The following PTPN13 variants were observed in gnomAD, a reference collection of about 807,000 sequenced individuals.
PTPN13 encodes protein tyrosine phosphatase non-receptor type 13.
A neutral mutation model predicts 284.0 loss-of-function variants in PTPN13; 191 were observed. That is an observed-to-expected ratio of 0.67 (90% CI 0.60 to 0.76). PTPN13 has a LOEUF of 0.76. PTPN13 is among the 30% of genes least tolerant of loss of function. The pLI is 0.00. For synonymous variants in PTPN13, 986 were observed against 1,022.3 expected (o/e 0.96, Z 0.68); for missense variants, 2,797 against 2,939.9 (o/e 0.95, Z 1.12).
chr4:86,727,268 A>G (rs910752658), intron 10 of PTPN13, among the ~76,000 whole-genome samples: 10 of 149,376 alleles, frequency 6.7e-5, no homozygotes, highest in African/African-American at 2.4e-4. Flanking sequence ...ATTGGTCTAA[A>G]ATTCTCTGTT....
At chr4:86,716,230 AC>A (rs1287897530) in intron 7 of PTPN13, among the ~76,000 whole-genome samples, 3 of 152,068 alleles carry the variant, frequency 2.0e-5, no homozygotes, top group African/African-American at 7.2e-5. Context: ...CTATTATTAT[AC>A]CCCCTCTTTG....
intron 40 of PTPN13, among the ~76,000 whole-genome samples, chr4:86,790,967 C>T (rs1198755716): frequency 1.3e-5 from 2 of 152,136 alleles, no homozygotes; most frequent in African/African-American, 4.8e-5. Flanking sequence ...AACTGAGGTG[C>T]CTGGTTCATC....
At position 86,803,819 on chromosome 4, in the gene PTPN13, G is replaced by T; in HGVS notation, c.6616G>T (p.Gly2206Cys). 2 of 1,613,746 alleles carry T rather than the reference G, an allele frequency of 1.2e-6. No individual in the cohort carries two copies. The highest frequency in any genetic ancestry group is 1.7e-6 in the Non-Finnish European group (2 of 1,179,768). Residue 2206 changes from glycine to cysteine, a missense_variant, in exon 43 of 48, where the codon GGT (glycine) becomes TGT (cysteine). Physicochemically the swap from Gly to Cys is radical, Grantham distance 159. Transcript: ENST00000411767. ...AAAATCAGTCATTCGAGTCCTGCGG[G>T]GTTTGCTAGATCAAGGAATTCCTTC... is the stretch of plus-strand genomic sequence containing the variant. ...NLKSVIRVLR[G>C]LLDQGIPSKE...
intron 47 of PTPN13, among the ~76,000 whole-genome samples, chr4:86,811,880 C>G (rs1745247856): frequency 6.6e-6 from 1 of 152,180 alleles, no homozygotes; most frequent in African/African-American, 2.4e-5. Flanking sequence ...TGTCTTCTAA[C>G]TATTAAGCTG....
intron 1 of PTPN13, among the ~76,000 whole-genome samples, chr4:86,604,853 A>G (rs1400316029): frequency 6.6e-6 from 1 of 152,036 alleles, no homozygotes; most frequent in African/African-American, 2.4e-5. Context: ...GTTGCTACCA[A>G]AAAACTTAAA....
intron 2 of PTPN13, among the ~76,000 whole-genome samples, chr4:86,661,919 C>A (rs755094893): frequency 3.3e-5 from 5 of 152,106 alleles, no homozygotes; most frequent in South Asian, 4.1e-4. Flanking sequence ...CCCCCAACCC[C>A]AAGATTTATG....
intron 2 of PTPN13, among the ~76,000 whole-genome samples, chr4:86,655,567 G>T (rs181637689): frequency 6.6e-6 from 1 of 152,118 alleles, no homozygotes. Flanking sequence ...TTGAATATTG[G>T]CCCCCACTCT....
At chr4:86,792,226 C>A (rs181020496) in intron 40 of PTPN13, among the ~76,000 whole-genome samples, 3 of 151,916 alleles carry the variant, frequency 2.0e-5, no homozygotes, top group Admixed American at 6.6e-5. Context: ...AAGCTTCAAT[C>A]GCCGATTCGA....
chr4:86,646,847 G>A (rs1724490269), intron 2 of PTPN13, among the ~76,000 whole-genome samples: 1 of 152,126 alleles, frequency 6.6e-6, no homozygotes, highest in African/African-American at 2.4e-5. Flanking sequence ...TAAACAAATT[G>A]TGATATATTC....
intron 6 of PTPN13, among the ~76,000 whole-genome samples, chr4:86,699,782 A>G (rs906952519): frequency 6.6e-6 from 1 of 152,078 alleles, no homozygotes; most frequent in African/African-American, 2.4e-5. Flanking sequence ...TGTTCTATCA[A>G]TTTTCAAGAA....
At chr4:86,806,273 A>G (rs1744653268) in intron 44 of PTPN13, among the ~76,000 whole-genome samples, 1 of 152,058 alleles carries the variant, frequency 6.6e-6, no homozygotes, top group African/African-American at 2.4e-5. Flanking sequence ...GTGCCAAAAT[A>G]CTGACCTCTA....
chr4:86,662,317 TTTTATTTCTTA>T lies in PTPN13; in HGVS notation c.116-10029_116-10019del, dbSNP rs1469899413. On this transcript the variant is annotated intron_variant, in intron 2 of 47. Transcript: ENST00000411767. ...GTCAAATAAGATATGATTGTTATAT[TTTTATTTCTTA>T]TTTATTTCTTATTTATTTATTTGAG... 3.9e-4 allele frequency among the ~76,000 whole-genome samples: 60 copies of T among 152,264 alleles called. 1 individual carries two copies. The East Asian group carries it at 5.4e-3, about 14-fold the overall frequency.
At chr4:86,785,996 C>A in intron 40 of PTPN13, 60 bp downstream of exon 40, 1 of 895,172 alleles carries the variant, frequency 1.1e-6, no homozygotes, top group Non-Finnish European at 1.6e-6. Context: ...TGGGTTTAAC[C>A]CAGAAGGTGA....
At chr4:86,702,263 C>G (rs1422170341) in intron 7 of PTPN13, among the ~76,000 whole-genome samples, 1 of 152,152 alleles carries the variant, frequency 6.6e-6, no homozygotes. Context: ...TCTCAAACCA[C>G]CAGCTTCAAA....
intron 18 of PTPN13, 48 bp downstream of exon 18, chr4:86,750,935 T>C: frequency 6.3e-7 from 1 of 1,579,032 alleles, no homozygotes; most frequent in Non-Finnish European, 8.6e-7. Flanking sequence ...AATTCTACAT[T>C]TCATACGTTT....
In PTPN13 at chr4:86,730,256, G is replaced by A. The variant is rs1254515028; in HGVS notation, c.1609-2144G>A. On this transcript the variant is annotated intron_variant, in intron 10 of 47. Transcript: ENST00000411767. ...GGTGTCTGTCAGCCTCTACTGGGAG[G>A]TGTCTCCCAGTTAGGCTACAGGGGT... Among the ~76,000 whole-genome samples, 3 of 149,680 alleles carry A rather than the reference G, an allele frequency of 2.0e-5. 1 individual carries two copies. Among genetic ancestry groups the A allele is most frequent in the African/African-American group, 2.4e-5 (1 of 41,056 alleles).
intron 2 of PTPN13, among the ~76,000 whole-genome samples, chr4:86,637,979 G>C (rs1723242353): frequency 6.6e-6 from 1 of 151,954 alleles, no homozygotes; most frequent in Admixed American, 6.6e-5. Flanking sequence ...AACTTCAGCA[G>C]TCTCAGGATA....
intron 40 of PTPN13, 103 bp from the exon 41 acceptor site, chr4:86,796,771 G>T: frequency 1.4e-6 from 1 of 727,998 alleles, no homozygotes; most frequent in South Asian, 1.9e-5. Flanking sequence ...ATATAAGGAT[G>T]AACAATAACA....
rs149078202 is a variant in PTPN13, at chr4:86,640,873, T to C, written c.115+5502T>C. On this transcript the variant is annotated intron_variant, in intron 2 of 47. Coordinates refer to ENST00000411767, the MANE Select transcript of PTPN13 (RefSeq NM_080683.3). Reference sequence around the variant, plus strand: ...TGTGAGGTAGCTGTGTCTTAAATACTGTCCAGTAGGAGCTGGTTAGCATAA... The same window carrying C: ...TGTGAGGTAGCTGTGTCTTAAATACCGTCCAGTAGGAGCTGGTTAGCATAA... 1.2e-3 allele frequency among the ~76,000 whole-genome samples: 177 copies of C among 152,330 alleles called. 2 individuals carry two copies. The highest frequency in any genetic ancestry group is 4.1e-3 in the African/African-American group (169 of 41,578).
Sources: allele counts gnomAD v4.1 joint callset (sites outside exome capture counted in the v4.1 genomes callset), GRCh38; gene constraint gnomAD v4.1.1; transcripts MANE v1.5; gene names NCBI Gene and HGNC (gene_info 2026-07-23, HGNC 2026-07-21).